The following FHOD3 variants were observed in gnomAD, a reference collection of about 807,000 sequenced individuals.
The protein encoded by FHOD3 is formin homology 2 domain containing 3.
Under a neutral mutation model 173.0 loss-of-function variants are expected in FHOD3, and 90 were observed. That is an observed-to-expected ratio of 0.52 (90% CI 0.44 to 0.62). The LOEUF is 0.62. Among genes scored for constraint, FHOD3 ranks in the 20% least tolerant of loss-of-function variants. The pLI, the probability that FHOD3 is intolerant of heterozygous loss-of-function variation, is 0.00. For missense variants in FHOD3, 1,945 were observed against 2,034.7 expected, an observed-to-expected ratio of 0.96 and a Z score of 0.85; for synonymous variants, 828 against 823.0, an observed-to-expected ratio of 1.01 and a Z score of -0.10.
At chr18:36,635,385 A>G (rs1308457123) in intron 10 of FHOD3, among the ~76,000 whole-genome samples, 1 of 152,194 alleles carries the variant, frequency 6.6e-6, no homozygotes, top group Non-Finnish European at 1.5e-5. Flanking sequence ...ATGAATTTCA[A>G]ATGATTAAGT....
chr18:36,461,130 G>A (rs951517792), intron 3 of FHOD3, among the ~76,000 whole-genome samples: 2 of 152,110 alleles, frequency 1.3e-5, no homozygotes, highest in African/African-American at 4.8e-5. Flanking sequence ...TTTGCTGCAG[G>A]TCCTCAGATA....
intron 1 of FHOD3, among the ~76,000 whole-genome samples, chr18:36,304,296 T>C (rs891328712): frequency 6.6e-6 from 1 of 152,196 alleles, no homozygotes; most frequent in African/African-American, 2.4e-5. Flanking sequence ...TTCAGAATAA[T>C]TCCAGATAAG....
intron 1 of FHOD3, among the ~76,000 whole-genome samples, chr18:36,309,356 C>T (rs1387817317): frequency 2.6e-5 from 4 of 152,140 alleles, no homozygotes; most frequent in African/African-American, 4.8e-5. Flanking sequence ...TGGGAAATTC[C>T]AAGAGGAAGG....
chr18:36,356,736 A>G (rs1240209840), intron 2 of FHOD3, among the ~76,000 whole-genome samples: 1 of 151,900 alleles, frequency 6.6e-6, no homozygotes, highest in African/African-American at 2.4e-5. Context: ...CCCAGGTTCC[A>G]GCAATTCTCC....
At chr18:36,492,304 C>G (rs2054512569) in intron 3 of FHOD3, among the ~76,000 whole-genome samples, 1 of 152,140 alleles carries the variant, frequency 6.6e-6, no homozygotes, top group African/African-American at 2.4e-5. Context: ...TCTGCCACTC[C>G]TTCCTCTGGG....
chr18:36,545,796 T>C (rs888678105), intron 5 of FHOD3, among the ~76,000 whole-genome samples: 1 of 152,266 alleles, frequency 6.6e-6, no homozygotes, highest in African/African-American at 2.4e-5. Flanking sequence ...GTTGAATTGT[T>C]GCTTTTTGAT....
intron 3 of FHOD3, among the ~76,000 whole-genome samples, chr18:36,377,708 C>T (rs758685816): frequency 3.3e-5 from 5 of 152,144 alleles, no homozygotes; most frequent in Non-Finnish European, 7.4e-5. Context: ...ATGCAGCTGG[C>T]CCTCTGTGGT....
chr18:36,746,096 G>T (rs2042144893), intron 23 of FHOD3, among the ~76,000 whole-genome samples: 1 of 151,658 alleles, frequency 6.6e-6, no homozygotes, highest in African/African-American at 2.4e-5. Flanking sequence ...GTAATTTTTA[G>T]TCTGGAAATT....
chr18:36,607,672 C>A (rs1439441982), intron 8 of FHOD3, among the ~76,000 whole-genome samples: 6 of 152,190 alleles, frequency 3.9e-5, no homozygotes, highest in African/African-American at 1.4e-4. Flanking sequence ...TATATCACTT[C>A]TATCCTCTTG....
chr18:36,465,184 T>C (rs1355603762), intron 3 of FHOD3, among the ~76,000 whole-genome samples: 1 of 151,982 alleles, frequency 6.6e-6, no homozygotes, highest in Admixed American at 6.6e-5. Flanking sequence ...AAAAATTAGC[T>C]GGGCATGGTG....
At chr18:36,530,353 G>A (rs60312586) in intron 5 of FHOD3, among the ~76,000 whole-genome samples, 2,574 of 152,194 alleles carry the variant, frequency 0.017, 69 homozygotes, top group African/African-American at 0.059. Flanking sequence ...AGTCTGTCAG[G>A]CTATGTGTGT....
intron 6 of FHOD3, among the ~76,000 whole-genome samples, chr18:36,576,749 C>T (rs536474567): frequency 1.3e-5 from 2 of 152,144 alleles, no homozygotes; most frequent in South Asian, 4.1e-4. Context: ...TCTCTTTTCT[C>T]TTCTCTTAAG....
chr18:36,718,467 C>G lies in FHOD3; in HGVS notation c.3169C>G (p.Pro1057Ala). Reference protein sequence around the residue: ...PPVPGNLLVPPPPVFNAPQGL... With the variant: ...PPVPGNLLVPAPPVFNAPQGL... ...TGTCCCTGGTAATTTATTGGTTCCT[C>G]CTCCTCCAGTGTTCAACGCTCCTCA... Residue 1057 changes from proline (P) to alanine (A), a missense_variant, in exon 19 of 29, where the codon CCT becomes GCT. Coordinates refer to ENST00000590592, the MANE Select transcript of FHOD3 (RefSeq NM_001281740.3). 3 of 1,607,946 alleles carry G rather than the reference C, an allele frequency of 1.9e-6. No homozygotes were observed. The South Asian group carries it at 3.3e-5, about 18-fold the overall frequency.
chr18:36,298,242 G>A (rs942095945), intron 1 of FHOD3, among the ~76,000 whole-genome samples: 3 of 151,918 alleles, frequency 2.0e-5, no homozygotes, highest in Non-Finnish European at 4.4e-5. Flanking sequence ...GGGCGTGGCA[G>A]AGCAGGTGCC....
intron 8 of FHOD3, among the ~76,000 whole-genome samples, chr18:36,609,493 A>G (rs2032440623): frequency 6.6e-6 from 1 of 152,122 alleles, no homozygotes; most frequent in Admixed American, 6.5e-5. Context: ...GATAGTACGC[A>G]GGCTTGGCTC....
rs1310909542 is a variant in FHOD3 at position 36,594,837 on chromosome 18, G to A, written c.657G>A (p.Glu219=). Residue 219 remains glutamate (E), a synonymous_variant, in exon 7 of 29, where the codon GAG becomes GAA. Coordinates refer to ENST00000590592, the MANE Select transcript of FHOD3 (RefSeq NM_001281740.3). The part of the protein sequence containing the change: ...TALKLLLVFV[E]YSESNAPLLI... ...TGAAGCTGCTGCTCGTCTTTGTAGA[G>A]TACTCGGAGTCCAACGCACCTCTCC... is the stretch of plus-strand genomic sequence containing the variant. 1.2e-6 allele frequency: 2 copies of A among 1,613,882 alleles called. No homozygotes were observed. The highest frequency in any genetic ancestry group is 1.3e-5 in the African/African-American group (1 of 74,884).
intron 3 of FHOD3, among the ~76,000 whole-genome samples, chr18:36,412,643 T>C (rs2049414870): frequency 6.6e-6 from 1 of 152,270 alleles, no homozygotes; most frequent in Admixed American, 6.5e-5. Flanking sequence ...TAAAGAGAAT[T>C]TGCTCTTAAA....
At chr18:36,445,753 T>C (rs887411274) in intron 3 of FHOD3, among the ~76,000 whole-genome samples, 1 of 152,310 alleles carries the variant, frequency 6.6e-6, no homozygotes, top group African/African-American at 2.4e-5. Context: ...GGTTTTTCTT[T>C]CCATTCGAGG....
intron 2 of FHOD3, 134 bp from the exon 3 acceptor site, chr18:36,372,546 T>A (rs1194673848): frequency 1.6e-6 from 1 of 607,608 alleles, no homozygotes; most frequent in Non-Finnish European, 2.9e-6. Flanking sequence ...GGATAGATTC[T>A]TATTCAGTGT....
Sources: allele counts gnomAD v4.1 joint callset (sites outside exome capture counted in the v4.1 genomes callset), GRCh38; gene constraint gnomAD v4.1.1; transcripts MANE v1.5; gene names NCBI Gene and HGNC (gene_info 2026-07-23, HGNC 2026-07-21).